Variants in SOX5 observed in about 807,000 individuals in gnomAD.
The protein encoded by SOX5 is transcription factor SOX-5.
In SOX5, 9 loss-of-function variants were observed where a neutral mutation model predicts 92.0. The ratio of observed to expected loss-of-function variants is 0.10; its 90% confidence interval spans 0.06 to 0.17. The LOEUF (loss-of-function observed/expected upper bound fraction) is 0.17, where lower values mean the gene tolerates loss of function less well. SOX5 is among the 10% of genes least tolerant of loss of function. SOX5 has a pLI of 1.00. For missense variants in SOX5, 642 were observed against 944.5 expected, an observed-to-expected ratio of 0.68 and a Z score of 4.20; for synonymous variants, 344 against 336.3, an observed-to-expected ratio of 1.02 and a Z score of -0.25.
intron 2 of SOX5, among the ~76,000 whole-genome samples, chr12:23,867,432 T>C (rs1345847799): frequency 6.6e-6 from 1 of 152,154 alleles, no homozygotes; most frequent in African/African-American, 2.4e-5. Flanking sequence ...GTCTGAACTT[T>C]AATTTTCCTA....
At chr12:23,674,511 T>C (rs2085347023) in intron 6 of SOX5, among the ~76,000 whole-genome samples, 1 of 151,688 alleles carries the variant, frequency 6.6e-6, no homozygotes, top group Non-Finnish European at 1.5e-5. Context: ...CTAAGTTTTG[T>C]ATTTTTAGTA....
At chr12:24,485,343 A>G (rs192638751) in intron 1 of SOX5, among the ~76,000 whole-genome samples, 4 of 152,346 alleles carry the variant, frequency 2.6e-5, no homozygotes, top group Non-Finnish European at 4.4e-5. Context: ...ATTAAAAATA[A>G]CTTTACCAGT....
intron 4 of SOX5, among the ~76,000 whole-genome samples, chr12:23,983,104 C>CT (rs1949740607): frequency 1.9e-5 from 2 of 107,026 alleles, no homozygotes; most frequent in Non-Finnish European, 4.3e-5. Flanking sequence ...ATCTGGAGTC[C>CT]ATTTTTTTTT....
At chr12:24,001,304 C>T (rs112329267) in intron 4 of SOX5, among the ~76,000 whole-genome samples, 29 of 152,064 alleles carry the variant, frequency 1.9e-4, no homozygotes, top group Middle Eastern at 3.4e-3. Context: ...GTTGGCCAGG[C>T]GAGCCCCAAA....
At chr12:23,987,650 A>G (rs1222859651) in intron 4 of SOX5, among the ~76,000 whole-genome samples, 1 of 152,124 alleles carries the variant, frequency 6.6e-6, no homozygotes, top group Non-Finnish European at 1.5e-5. Flanking sequence ...AAAATTAGCC[A>G]GGCATGGTGC....
At chr12:24,509,542 G>T (rs1000482675) in intron 1 of SOX5, among the ~76,000 whole-genome samples, 1 of 152,104 alleles carries the variant, frequency 6.6e-6, no homozygotes, top group Non-Finnish European at 1.5e-5. Flanking sequence ...TAATAAAGGA[G>T]TTTCTAAAAT....
chr12:24,130,235 C>T (rs536115360), intron 4 of SOX5, among the ~76,000 whole-genome samples: 55 of 152,262 alleles, frequency 3.6e-4, no homozygotes, highest in Middle Eastern at 3.4e-3. Flanking sequence ...TAATACATTC[C>T]GGTCCTCAAT....
At chr12:23,541,712 A>C (rs1942082856) in intron 13 of SOX5, among the ~76,000 whole-genome samples, 1 of 152,240 alleles carries the variant, frequency 6.6e-6, no homozygotes, top group Admixed American at 6.5e-5. Context: ...ATTTAGGTGA[A>C]AAATGAGACA....
At chr12:24,296,665 T>C (rs866233211) in intron 2 of SOX5, among the ~76,000 whole-genome samples, 18 of 152,134 alleles carry the variant, frequency 1.2e-4, no homozygotes, top group Admixed American at 4.6e-4. Flanking sequence ...TTTCTGACAG[T>C]AGCAATCATG....
intron 4 of SOX5, among the ~76,000 whole-genome samples, chr12:24,167,193 A>G (rs1953512656): frequency 6.6e-6 from 1 of 152,222 alleles, no homozygotes; most frequent in African/African-American, 2.4e-5. Context: ...TTAGGAGGAT[A>G]ACGATAGTTG....
intron 1 of SOX5, among the ~76,000 whole-genome samples, chr12:23,927,778 T>C (rs1940375926): frequency 6.6e-6 from 1 of 152,098 alleles, no homozygotes; most frequent in African/African-American, 2.4e-5. Flanking sequence ...GGTATGCTGC[T>C]GTAAATGACT....
At chr12:23,588,393 A>G (rs565819840) in intron 9 of SOX5, among the ~76,000 whole-genome samples, 55 of 152,040 alleles carry the variant, frequency 3.6e-4, no homozygotes, top group Non-Finnish European at 6.8e-4. Flanking sequence ...AGGAATTGCA[A>G]GATTGATTTA....
chr12:24,304,615 C>G (rs540543686), intron 2 of SOX5, among the ~76,000 whole-genome samples: 17 of 152,116 alleles, frequency 1.1e-4, no homozygotes, highest in Non-Finnish European at 2.1e-4. Flanking sequence ...GGGCCATGTT[C>G]TCTACTCGCT....
intron 4 of SOX5, among the ~76,000 whole-genome samples, chr12:24,034,061 C>T (rs1259524637): frequency 3.3e-5 from 5 of 151,944 alleles, no homozygotes; most frequent in Non-Finnish European, 5.9e-5. Flanking sequence ...CAGTCTCAGA[C>T]TTTAGAGAAA....
chr12:24,315,339 T>C (rs902957091), intron 2 of SOX5, among the ~76,000 whole-genome samples: 5 of 152,178 alleles, frequency 3.3e-5, no homozygotes, highest in African/African-American at 1.2e-4. Flanking sequence ...AAAACTTTTA[T>C]ACAATTAACA....
intron 3 of SOX5, among the ~76,000 whole-genome samples, chr12:24,219,165 AAG>A (rs1162197342): frequency 1.3e-5 from 2 of 152,084 alleles, no homozygotes; most frequent in Non-Finnish European, 2.9e-5. Context: ...CAAATTTTGA[AAG>A]AGGGGGAATA....
At chr12:24,068,704 G>GTGTGTATATA (rs1444359956) in intron 4 of SOX5, among the ~76,000 whole-genome samples, 2 of 74,326 alleles carry the variant, frequency 2.7e-5, no homozygotes, top group Non-Finnish European at 4.9e-5. Flanking sequence ...GTGTGTGTGT[G>GTGTGTATATA]TATATATATA....
intron 10 of SOX5, among the ~76,000 whole-genome samples, chr12:23,575,438 A>T (rs556730104): frequency 6.6e-6 from 1 of 152,364 alleles, no homozygotes; most frequent in South Asian, 2.1e-4. Flanking sequence ...TTAGAAATAT[A>T]GATATAACCT....
chr12:24,330,380 C>T (rs944574850), intron 2 of SOX5, among the ~76,000 whole-genome samples: 1 of 152,132 alleles, frequency 6.6e-6, no homozygotes, highest in Non-Finnish European at 1.5e-5. Context: ...CTCGTTTGTA[C>T]AAAGGTGTGA....
Sources: gnomAD v4.1 joint callset for allele counts (sites outside exome capture counted in the v4.1 genomes callset) on GRCh38, gnomAD v4.1.1 for gene constraint, MANE v1.5 for transcripts, NCBI Gene and HGNC (gene_info 2026-07-23, HGNC 2026-07-21) for gene names.